Variants in TCOF1 observed in about 807,000 individuals in gnomAD.
The protein encoded by TCOF1 is treacle ribosome biogenesis factor 1.
Under a neutral mutation model 149.0 loss-of-function variants are expected in TCOF1, and 33 were observed. The observed-to-expected ratio is 0.22, with a 90% CI of 0.17 to 0.30. The LOEUF is 0.30. TCOF1 is among the 10% of genes least tolerant of loss of function. The pLI is 1.00. For synonymous variants in TCOF1, 789 were observed against 738.8 expected (o/e 1.07, Z -1.10); for missense variants, 1,728 against 1,840.7 (o/e 0.94, Z 1.12).
intron 5 of TCOF1, 142 bp downstream of exon 5, chr5:150,369,044 T>C (rs1761969455): frequency 3.6e-6 from 4 of 1,121,854 alleles, no homozygotes; most frequent in Non-Finnish European, 5.2e-6. Context: ...CTTAGGACTT[T>C]TCTCATCACC....
Position 150,399,046 on chromosome 5 carries a change from TGACGA to T in TCOF1, c.4470_*4del. Reference sequence around the variant, plus strand: ...GAAGAAGACAGCAGAGCAGACTGTATGACGAGCACCAGCACCAGGCACAGGTACGC... The same window carrying T: ...GAAGAAGACAGCAGAGCAGACTGTATGCACCAGCACCAGGCACAGGTACGC... On this transcript the variant is annotated stop_lost and 3_prime_UTR_variant, in exon 26 of 27. Coordinates refer to ENST00000643257, the MANE Select transcript of TCOF1 (RefSeq NM_001371623.1). 1 of 1,614,250 alleles carries T rather than the reference TGACGA, an allele frequency of 6.2e-7. No homozygotes were observed. The highest frequency in any genetic ancestry group is 8.5e-7 in the Non-Finnish European group (1 of 1,180,052).
At chr5:150,386,509 C>G (rs1384363274) in intron 17 of TCOF1, among the ~76,000 whole-genome samples, 1 of 152,172 alleles carries the variant, frequency 6.6e-6, no homozygotes, top group East Asian at 1.9e-4. Context: ...CAGGCAGGCA[C>G]CTTTCTGTTT....
intron 24 of TCOF1, among the ~76,000 whole-genome samples, chr5:150,397,117 C>T (rs976431512): frequency 1.3e-4 from 17 of 135,634 alleles, no homozygotes; most frequent in Non-Finnish European, 2.3e-4. Flanking sequence ...CGAGATCACG[C>T]ATTGCACTCC....
chr5:150,382,505 A>AG (rs1765435901), intron 17 of TCOF1, among the ~76,000 whole-genome samples: 1 of 152,138 alleles, frequency 6.6e-6, no homozygotes, highest in Admixed American at 6.5e-5. Flanking sequence ...AGTAGGGAAA[A>AG]GGGGGGCCCC....
In TCOF1 at chr5:150,376,407, C is replaced by A; in HGVS notation, c.2143-16C>A. Reference sequence around the variant, plus strand: ...TTGGACTCCTGGAGACACCTCTCTTCCCCTTGTCATCCCAGGCAAAGTCTG... The same window carrying A: ...TTGGACTCCTGGAGACACCTCTCTTACCCTTGTCATCCCAGGCAAAGTCTG... On this transcript the variant is annotated splice_polypyrimidine_tract_variant and intron_variant, in intron 13 of 26. Transcript: ENST00000643257. 1 of 1,614,212 alleles carries A rather than the reference C, an allele frequency of 6.2e-7. No homozygotes were observed. The highest frequency in any genetic ancestry group is 8.5e-7 in the Non-Finnish European group (1 of 1,180,030).
intron 7 of TCOF1, among the ~76,000 whole-genome samples, chr5:150,373,610 G>A (rs1461863699): frequency 6.6e-6 from 1 of 152,184 alleles, no homozygotes; most frequent in African/African-American, 2.4e-5. Flanking sequence ...GGCCAGGTGT[G>A]CAAACCTTGC....
In TCOF1 at chr5:150,396,571, G is replaced by A; in HGVS notation, c.4074G>A (p.Arg1358=). The A allele has an allele frequency of 1.3e-6, 2 of 1,582,396 alleles. No individual in the cohort carries two copies. Among genetic ancestry groups the A allele is most frequent in the Admixed American group, 1.8e-5 (1 of 54,430 alleles). The change falls in exon 24 of 27, where the codon AGG becomes AGA. Residue 1358 remains arginine (R), a synonymous_variant. Coordinates refer to ENST00000643257, the MANE Select transcript of TCOF1 (RefSeq NM_001371623.1). ...RKLSGDQPAA[R]TPRSKKKKKL... is the part of the protein sequence containing the mutation. ...TATCGGGAGACCAGCCAGCTGCCAG[G>A]ACCCCCAGGAGCAAGAAGAAGAAGA...
At chr5:150,359,448 A>G (rs1581012250) in intron 1 of TCOF1, among the ~76,000 whole-genome samples, 1 of 152,116 alleles carries the variant, frequency 6.6e-6, no homozygotes, top group South Asian at 2.1e-4. Context: ...TCTGGTGGGC[A>G]GTTTGATCTT....
At position 150,372,462 on chromosome 5, in the gene TCOF1, G is replaced by A. The variant is rs140095866; in HGVS notation, c.870+226G>A. ...GCCTAGTAAATGGGCCGCTGTCCTCGTCCCAGCCAGTCCTGCTGTGAGGGA... is the reference window on the plus strand; with the variant it reads ...GCCTAGTAAATGGGCCGCTGTCCTCATCCCAGCCAGTCCTGCTGTGAGGGA... On this transcript the variant is annotated intron_variant, in intron 7 of 26. Coordinates refer to ENST00000643257, the MANE Select transcript of TCOF1 (RefSeq NM_001371623.1). Among the ~76,000 whole-genome samples the A allele has an allele frequency of 3.1e-3, 465 of 152,314 alleles. 2 individuals carry two copies. Among genetic ancestry groups the A allele is most frequent in the Admixed American group, 5.1e-3 (78 of 15,300 alleles).
At chr5:150,390,737 T>G (rs1767252952) in intron 19 of TCOF1, among the ~76,000 whole-genome samples, 1 of 152,066 alleles carries the variant, frequency 6.6e-6, no homozygotes, top group South Asian at 2.1e-4. Flanking sequence ...GGTCAAAAAC[T>G]TCTGGGAACA....
At position 150,376,562 on chromosome 5, in the gene TCOF1, ACT is replaced by A. The variant is rs1554137531; in HGVS notation, c.2285_2286del (p.Ser762Ter). On this transcript the variant is annotated frameshift_variant, in exon 14 of 27. Coordinates refer to ENST00000643257, the MANE Select transcript of TCOF1 (RefSeq NM_001371623.1). LOFTEE classifies it high-confidence loss of function. ...CAGGTGAAAGCTGAAAAGCAGGAAGACTCTGAGAGCAGTGAGGAGGAATCAGA... is the reference window on the plus strand; with the variant it reads ...CAGGTGAAAGCTGAAAAGCAGGAAGACTGAGAGCAGTGAGGAGGAATCAGA... 1 of 1,599,588 alleles carries A rather than the reference ACT, an allele frequency of 6.3e-7. No homozygotes were observed. The highest frequency in any genetic ancestry group is 8.5e-7 in the Non-Finnish European group (1 of 1,172,850).
chr5:150,364,136 G>A lies in TCOF1; in HGVS notation c.188G>A (p.Arg63Gln), dbSNP rs371609378. 1.2e-4 allele frequency: 196 copies of A among 1,614,022 alleles called. No homozygotes were observed. The highest frequency in any genetic ancestry group is 1.6e-4 in the Middle Eastern group (1 of 6,082). Residue 63 changes from arginine to glutamine, a missense_variant, in exon 3 of 27, where the codon CGG becomes CAG. This residue lies in a region of TCOF1 where 1,696 missense variants were observed against 1,765.4 expected (regional missense o/e 0.96). Coordinates refer to ENST00000643257, the MANE Select transcript of TCOF1 (RefSeq NM_001371623.1). ...WQQTSELGRK[R>Q]KAEEDAALQA... Reference sequence around the variant, plus strand: ...AGAACCTCAGAGCTTGGTCGGAAGCGGAAGGCAGAGGAAGATGCGGCACTG... The same window carrying A: ...AGAACCTCAGAGCTTGGTCGGAAGCAGAAGGCAGAGGAAGATGCGGCACTG...
rs186104625 is a variant in TCOF1, at chr5:150,391,596, T to C, written c.3236T>C (p.Val1079Ala). 1.2e-6 allele frequency: 2 copies of C among 1,614,034 alleles called. No homozygotes were observed. The highest frequency in any genetic ancestry group is 2.2e-5 in the East Asian group (1 of 44,854). Residue 1079 changes from valine (V) to alanine (A), a missense_variant, in exon 20 of 27, where the codon GTC becomes GCC. By Grantham distance (64) the Val-to-Ala change is moderately conservative. Transcript: ENST00000643257. The part of the protein sequence containing the change: ...SLPLTQAALK[V>A]LAQKASEAQP... ...CCACTGACCCAGGCTGCCCTGAAGG[T>C]CCTCGCCCAGAAAGCCAGTGAGGCT...
rs762767877 is a variant in TCOF1, at chr5:150,392,763, C to G, written c.3576C>G (p.Ser1192Arg). The G allele has an allele frequency of 2.5e-6, 4 of 1,614,046 alleles. No homozygotes were observed. In the Middle Eastern group the frequency reaches 5.0e-4, roughly 200 times the overall value. ...TGGAGGAGACCGCAGCAGAGTCCAG[C>G]GAGGATGATGTGGTGGCGCCATCCC... The part of the protein sequence containing the change: ...TLVEETAAES[S>R]EDDVVAPSQS... Residue 1192 changes from serine to arginine, a missense_variant, in exon 22 of 27, where the codon AGC becomes AGG. Ser to Arg is a moderately radical substitution (Grantham distance 110). Around this residue, in one of 2 missense-constraint regions of TCOF1, gnomAD observed 1,696 missense variants for 1,765.4 expected, o/e 0.96. Transcript: ENST00000643257.
At chr5:150,392,908 T>C in intron 22 of TCOF1, 118 bp downstream of exon 22, 1 of 1,246,454 alleles carries the variant, frequency 8.0e-7, no homozygotes, top group Non-Finnish European at 1.1e-6. Flanking sequence ...CACAGAGGCC[T>C]TGGGCAAGGT....
intron 17 of TCOF1, among the ~76,000 whole-genome samples, chr5:150,385,339 G>A (rs1766064791): frequency 6.6e-6 from 1 of 152,224 alleles, no homozygotes; most frequent in Non-Finnish European, 1.5e-5. Flanking sequence ...TCTGGTGCCT[G>A]GAGAACTAAC....
chr5:150,361,245 C>T (rs371227256), intron 2 of TCOF1, 34 bp downstream of exon 2: 192 of 1,612,064 alleles, frequency 1.2e-4, no homozygotes, highest in East Asian at 1.6e-4. Context: ...GGAGTAGGGA[C>T]GGACACCCCA....
rs57206427 is a variant in TCOF1, at chr5:150,378,301, C to CT, written c.2341-595dup. On this transcript the variant is annotated intron_variant, in intron 14 of 26. Transcript: ENST00000643257. ...TAAGGATCTCACTCTGGGAATTTCC[C>CT]TTTTTTTTTGTTCTCCTTCTATTTG... Among the ~76,000 whole-genome samples, 121 of 151,578 alleles carry CT rather than the reference C, an allele frequency of 8.0e-4. 1 individual carries two copies. Among genetic ancestry groups the CT allele is most frequent in the Non-Finnish European group, 1.4e-3 (92 of 67,850 alleles).
chr5:150,360,585 G>A (rs902296123), intron 1 of TCOF1, among the ~76,000 whole-genome samples: 2 of 152,202 alleles, frequency 1.3e-5, no homozygotes, highest in Non-Finnish European at 2.9e-5. Flanking sequence ...CTGGATGAAT[G>A]CTAGCTTGGA....
Sources: allele counts gnomAD v4.1 joint callset (sites outside exome capture counted in the v4.1 genomes callset), GRCh38; gene constraint gnomAD v4.1.1; regional missense constraint gnomAD v4.1.1; transcripts MANE v1.5; gene names NCBI Gene and HGNC (gene_info 2026-07-23, HGNC 2026-07-21).